Variants in ZNF385D observed in about 807,000 individuals in gnomAD.
ZNF385D encodes the protein zinc finger protein 385D.
Under a neutral mutation model 35.8 loss-of-function variants are expected in ZNF385D, and 15 were observed. The observed-to-expected ratio is 0.42, with a 90% CI of 0.28 to 0.64. The LOEUF (loss-of-function observed/expected upper bound fraction) is 0.64, where lower values mean the gene tolerates loss of function less well. Ranked by LOEUF, ZNF385D falls within the 30% of genes least tolerant of loss-of-function variation. The pLI, the probability that ZNF385D is intolerant of heterozygous loss-of-function variation, is 0.23. For synonymous variants in ZNF385D, 212 were observed against 186.8 expected, an observed-to-expected ratio of 1.13 and a Z score of -1.10; for missense variants, 474 against 494.6, an observed-to-expected ratio of 0.96 and a Z score of 0.39.
At chr3:22,106,581 GTC>G (rs960002427) in intron 3 of ZNF385D, among the ~76,000 whole-genome samples, 1 of 152,090 alleles carries the variant, frequency 6.6e-6, no homozygotes, top group South Asian at 2.1e-4. Context: ...GTCAGCTTGA[GTC>G]TCTCTCTCAC....
chr3:22,247,820 G>A lies in ZNF385D; in HGVS notation c.107-78785C>T, dbSNP rs141356748. 7.3e-3 allele frequency among the ~76,000 whole-genome samples: 1,116 copies of A among 151,958 alleles called. 7 individuals carry two copies. The highest frequency in any genetic ancestry group is 0.025 in the African/African-American group (1,028 of 41,430). Reference sequence around the variant, plus strand: ...GGGTTTCACCATGTTGGCCAGGATGGTGTTCATCTCCTGAGCTTATGATCC... The same window carrying A: ...GGGTTTCACCATGTTGGCCAGGATGATGTTCATCTCCTGAGCTTATGATCC... On this transcript the variant is annotated intron_variant, in intron 2 of 5. Coordinates refer to the ZNF385D transcript ENST00000494108.
At chr3:21,711,738 T>A (rs569702135) in intron 1 of ZNF385D, among the ~76,000 whole-genome samples, 1 of 152,310 alleles carries the variant, frequency 6.6e-6, no homozygotes, top group South Asian at 2.1e-4. Context: ...TAACAGGAAA[T>A]AAACAGCAAC....
chr3:22,223,447 T>A (rs1020637826), intron 2 of ZNF385D, among the ~76,000 whole-genome samples: 9 of 152,068 alleles, frequency 5.9e-5, no homozygotes, highest in African/African-American at 2.2e-4. Context: ...CTGAACAATA[T>A]GGGATTGAAC....
chr3:21,778,962 A>G (rs1643896089), intron 3 of ZNF385D, among the ~76,000 whole-genome samples: 1 of 152,008 alleles, frequency 6.6e-6, no homozygotes, highest in Non-Finnish European at 1.5e-5. Context: ...CTGTTACAGC[A>G]GTGAGAACTA....
chr3:21,452,240 C>G (rs892564852), intron 4 of ZNF385D, among the ~76,000 whole-genome samples: 2 of 152,012 alleles, frequency 1.3e-5, no homozygotes. Flanking sequence ...ATAAAAAAGG[C>G]AGCAACATGC....
chr3:21,857,705 T>C (rs1412199284), intron 3 of ZNF385D, among the ~76,000 whole-genome samples: 4 of 151,892 alleles, frequency 2.6e-5, no homozygotes, highest in African/African-American at 9.7e-5. Context: ...TGAAGTCTGT[T>C]GCCTCCTGCC....
At chr3:21,901,944 G>A (rs947716367) in intron 3 of ZNF385D, among the ~76,000 whole-genome samples, 4 of 152,030 alleles carry the variant, frequency 2.6e-5, no homozygotes, top group Non-Finnish European at 4.4e-5. Flanking sequence ...TTGTTTCCTC[G>A]TATCAGCTTT....
intron 3 of ZNF385D, among the ~76,000 whole-genome samples, chr3:21,772,472 T>C (rs1328917928): frequency 6.6e-6 from 1 of 151,864 alleles, no homozygotes; most frequent in Non-Finnish European, 1.5e-5. Flanking sequence ...AATAAGCATA[T>C]GAAAAGATGC....
intron 2 of ZNF385D, among the ~76,000 whole-genome samples, chr3:22,361,317 C>G (rs1452005222): frequency 6.6e-6 from 1 of 152,004 alleles, no homozygotes; most frequent in Admixed American, 6.6e-5. Flanking sequence ...TTGCTGTAAT[C>G]AGAATGTAAT....
intron 3 of ZNF385D, among the ~76,000 whole-genome samples, chr3:21,997,608 A>G (rs1695549638): frequency 6.6e-6 from 1 of 151,800 alleles, no homozygotes; most frequent in South Asian, 2.1e-4. Flanking sequence ...ATGGAGGAAA[A>G]GAGAGAGAGA....
intron 2 of ZNF385D, among the ~76,000 whole-genome samples, chr3:21,585,856 T>G (rs916836993): frequency 2.0e-5 from 3 of 152,014 alleles, no homozygotes; most frequent in Non-Finnish European, 2.9e-5. Context: ...AATGGAGAGA[T>G]AAAATTGGTC....
intron 3 of ZNF385D, among the ~76,000 whole-genome samples, chr3:21,838,827 T>C (rs1048052684): frequency 1.3e-5 from 2 of 152,066 alleles, no homozygotes; most frequent in East Asian, 3.9e-4. Context: ...GGTGTCTTGA[T>C]TTCAGAGATG....
intron 3 of ZNF385D, among the ~76,000 whole-genome samples, chr3:21,560,665 G>C (rs772033181): frequency 1.3e-5 from 2 of 152,172 alleles, no homozygotes; most frequent in Non-Finnish European, 2.9e-5. Flanking sequence ...AGCAGAGCTC[G>C]AACGCTGTGC....
At chr3:22,222,998 C>A (rs1336393187) in intron 2 of ZNF385D, among the ~76,000 whole-genome samples, 3 of 152,110 alleles carry the variant, frequency 2.0e-5, no homozygotes, top group Non-Finnish European at 4.4e-5. Flanking sequence ...ATCCAACCAT[C>A]CTTTTTCCAA....
At chr3:21,618,363 G>A (rs2125806908) in intron 2 of ZNF385D, among the ~76,000 whole-genome samples, 1 of 152,316 alleles carries the variant, frequency 6.6e-6, no homozygotes, top group Non-Finnish European at 1.5e-5. Context: ...GCCAGCAGAA[G>A]CTAAGAAGAG....
At chr3:21,613,714 T>C (rs577730217) in intron 2 of ZNF385D, among the ~76,000 whole-genome samples, 36 of 152,172 alleles carry the variant, frequency 2.4e-4, no homozygotes, top group Non-Finnish European at 4.4e-4. Context: ...AGTGAGAATA[T>C]TGGGGTTGAA....
At chr3:21,799,630 G>C (rs185872820) in intron 3 of ZNF385D, among the ~76,000 whole-genome samples, 26 of 152,048 alleles carry the variant, frequency 1.7e-4, no homozygotes, top group African/African-American at 6.3e-4. Flanking sequence ...TTTTCCTTTT[G>C]TCATCGAGTT....
At chr3:21,865,030 G>A (rs1421274628) in intron 3 of ZNF385D, among the ~76,000 whole-genome samples, 1 of 126,660 alleles carries the variant, frequency 7.9e-6, no homozygotes, top group Non-Finnish European at 1.6e-5. Flanking sequence ...ATTACTCTGT[G>A]GGGTACAGGG....
chr3:21,790,070 C>T (rs755056562), intron 3 of ZNF385D, among the ~76,000 whole-genome samples: 2 of 152,082 alleles, frequency 1.3e-5, no homozygotes, highest in Non-Finnish European at 2.9e-5. Flanking sequence ...AGCACATATA[C>T]TCTACAAGAC....
Sources: gnomAD v4.1 joint callset for allele counts (sites outside exome capture counted in the v4.1 genomes callset) on GRCh38, gnomAD v4.1.1 for gene constraint, MANE v1.5 for transcripts, NCBI Gene and HGNC (gene_info 2026-07-23, HGNC 2026-07-21) for gene names.